CHL1: variants seen among roughly 807,000 people sequenced by gnomAD.
The protein encoded by CHL1 is neural cell adhesion molecule L1-like protein.
Under a neutral mutation model 141.9 loss-of-function variants are expected in CHL1, and 96 were observed. That is an observed-to-expected ratio of 0.68 (90% CI 0.57 to 0.80). The LOEUF (loss-of-function observed/expected upper bound fraction) is 0.80. CHL1 is among the 30% of genes least tolerant of loss of function. The pLI, the probability that CHL1 is intolerant of heterozygous loss-of-function variation, is 0.00. For synonymous variants in CHL1, 613 were observed against 502.2 expected, an observed-to-expected ratio of 1.22 and a Z score of -2.95; for missense variants, 1,820 against 1,457.2, an observed-to-expected ratio of 1.25 and a Z score of -4.05.
intron 1 of CHL1, among the ~76,000 whole-genome samples, chr3:212,388 C>G (rs1699972857): frequency 6.6e-6 from 1 of 152,138 alleles, no homozygotes; most frequent in South Asian, 2.1e-4. Context: ...TTTTACACTA[C>G]CATAAAGCCT....
chr3:347,891 G>A lies in CHL1; in HGVS notation c.849-1468G>A, dbSNP rs73103166. 1.0e-2 allele frequency among the ~76,000 whole-genome samples: 1,516 copies of A among 152,272 alleles called. 30 individuals carry two copies. Among genetic ancestry groups the A allele is most frequent in the African/African-American group, 0.035 (1,445 of 41,548 alleles). On this transcript the variant is annotated intron_variant, in intron 9 of 27. Coordinates refer to ENST00000256509, the MANE Select transcript of CHL1 (RefSeq NM_006614.4). ...ATTATTATTCCAGGCTGCACAGCAC[G>A]TTAGTGTTTGAGGCTTGAAGGAAGA...
rs891718487 is a variant in CHL1, at chr3:391,288, G to C, written c.2791+129G>C. 5 of 706,114 alleles carry C rather than the reference G, an allele frequency of 7.1e-6. No individual in the cohort carries two copies. The African/African-American group carries it at 9.0e-5, about 13-fold the overall frequency. 43.7% of individuals were successfully genotyped at this position (706,114 alleles called of 1,614,324 possible). A position where few individuals can be genotyped will look rare whatever the true frequency, so the allele number is the denominator to read the frequency against. On this transcript the variant is annotated intron_variant, in intron 22 of 27. Transcript: ENST00000256509. The stretch of plus-strand genomic sequence containing the variant: ...CCCAGCACTTTGGGAGGCCAAGGCA[G>C]ATGGATCACTTGAAGTCAGGAGTTC...
intron 11 of CHL1, among the ~76,000 whole-genome samples, chr3:357,013 G>T (rs1284133905): frequency 6.6e-6 from 1 of 152,196 alleles, no homozygotes; most frequent in Non-Finnish European, 1.5e-5. Context: ...CTGCGCTCAG[G>T]GCTAGATTGG....
Position 400,031 on chromosome 3 carries a change from T to C in CHL1, c.3385+883T>C, listed in dbSNP as rs190661742. Among the ~76,000 whole-genome samples the C allele has an allele frequency of 3.9e-5, 6 of 152,328 alleles. No homozygotes were observed. The East Asian group carries it at 1.2e-3, about 29-fold the overall frequency. ...TAATTTCATTCAACTCCCGAATTTGTTTTGTCTTTTTCAGATATACATATT... is the reference window on the plus strand; with the variant it reads ...TAATTTCATTCAACTCCCGAATTTGCTTTGTCTTTTTCAGATATACATATT... On this transcript the variant is annotated intron_variant, in intron 26 of 27. Transcript: ENST00000256509.
At chr3:206,412 G>C (rs1054834886) in intron 1 of CHL1, among the ~76,000 whole-genome samples, 3 of 152,058 alleles carry the variant, frequency 2.0e-5, no homozygotes, top group Non-Finnish European at 4.4e-5. Flanking sequence ...GTTGCAGTGA[G>C]CCTAGATCGC....
intron 23 of CHL1, among the ~76,000 whole-genome samples, chr3:392,930 A>G (rs1323008609): frequency 6.8e-6 from 1 of 146,658 alleles, no homozygotes; most frequent in Non-Finnish European, 1.5e-5. Flanking sequence ...ATGTACTATC[A>G]CTATTTTATG....
At chr3:352,417 C>A (rs13433769) in intron 10 of CHL1, among the ~76,000 whole-genome samples, 1,769 of 152,030 alleles carry the variant, frequency 0.012, 32 homozygotes, top group African/African-American at 0.041. Context: ...ATATATAGTC[C>A]CAATGTTCAG....
chr3:317,261 C>CA (rs953546956), intron 2 of CHL1, among the ~76,000 whole-genome samples: 11 of 151,602 alleles, frequency 7.3e-5, no homozygotes, highest in Non-Finnish European at 1.3e-4. Flanking sequence ...GATTAAAATT[C>CA]AAAAAATGGG....
At chr3:247,281 T>G (rs1380641396) in intron 2 of CHL1, 1 of 152,050 alleles carries the variant, frequency 6.6e-6, no homozygotes, top group Non-Finnish European at 1.5e-5. Context: ...CCTTTTTAAA[T>G]GTTCTCAGGA....
intron 3 of CHL1, among the ~76,000 whole-genome samples, chr3:322,677 T>C (rs1415447511): frequency 2.8e-5 from 4 of 143,196 alleles, no homozygotes; most frequent in Non-Finnish European, 6.0e-5. Context: ...TATAATTATA[T>C]ATATATATAT....
intron 2 of CHL1, among the ~76,000 whole-genome samples, chr3:295,260 G>C (rs867140328): frequency 4.6e-5 from 7 of 152,262 alleles, no homozygotes; most frequent in Middle Eastern, 3.4e-3. Flanking sequence ...TTCTTTACAC[G>C]AACAGTCACA....
intron 2 of CHL1, among the ~76,000 whole-genome samples, chr3:297,601 C>G (rs1004911260): frequency 1.3e-5 from 2 of 152,018 alleles, no homozygotes; most frequent in African/African-American, 4.8e-5. Flanking sequence ...CTTCAAACAC[C>G]GTGAAGAGAG....
chr3:304,380 T>C (rs947594379), intron 2 of CHL1, among the ~76,000 whole-genome samples: 2 of 152,204 alleles, frequency 1.3e-5, no homozygotes, highest in African/African-American at 4.8e-5. Flanking sequence ...CTGGGCTTTA[T>C]TGGCTGGTAG....
At chr3:404,658 G>A (rs9865220) in intron 27 of CHL1, among the ~76,000 whole-genome samples, 128,409 of 152,136 alleles carry the variant, frequency 0.84, 57,031 homozygotes, top group East Asian at 1. Flanking sequence ...AAGTTATTTG[G>A]TTTCAAAAAC....
At chr3:292,109 C>G (rs939557771) in intron 2 of CHL1, among the ~76,000 whole-genome samples, 3 of 152,204 alleles carry the variant, frequency 2.0e-5, no homozygotes, top group Non-Finnish European at 4.4e-5. Context: ...TGTACAAGCT[C>G]TAGAAGTCAT....
At chr3:243,569 C>G (rs1048756505) in intron 1 of CHL1, among the ~76,000 whole-genome samples, 3 of 152,120 alleles carry the variant, frequency 2.0e-5, no homozygotes, top group Non-Finnish European at 4.4e-5. Flanking sequence ...CTTATACTTG[C>G]CAGGGTGGAA....
intron 9 of CHL1, among the ~76,000 whole-genome samples, chr3:345,325 T>A (rs1328384763): frequency 3.8e-5 from 3 of 78,556 alleles, no homozygotes; most frequent in African/African-American, 1.2e-4. Flanking sequence ...GCCCTATTTA[T>A]ATCTATTTTT....
At chr3:369,651 A>G (rs1381695560) in intron 15 of CHL1, among the ~76,000 whole-genome samples, 2 of 152,224 alleles carry the variant, frequency 1.3e-5, no homozygotes, top group African/African-American at 2.4e-5. Flanking sequence ...AGGAGTGGTG[A>G]GAGAGGGCAT....
chr3:247,269 C>T (rs2125121830), intron 2 of CHL1: 1 of 152,034 alleles, frequency 6.6e-6, no homozygotes, highest in South Asian at 2.1e-4. Flanking sequence ...TAACCAAATC[C>T]TCCTTTTTAA....
Sources: gnomAD v4.1 joint callset for allele counts (sites outside exome capture counted in the v4.1 genomes callset) on GRCh38, gnomAD v4.1.1 for gene constraint, MANE v1.5 for transcripts, NCBI Gene and HGNC (gene_info 2026-07-23, HGNC 2026-07-21) for gene names.